The following SGCD variants were observed in gnomAD, a reference collection of about 807,000 sequenced individuals.
SGCD encodes delta-sarcoglycan.
A neutral mutation model predicts 36.6 loss-of-function variants in SGCD; 18 were observed. That is an observed-to-expected ratio of 0.49 (90% CI 0.34 to 0.73). SGCD has a LOEUF of 0.73. Ranked by LOEUF, SGCD falls within the 30% of genes least tolerant of loss-of-function variation. SGCD has a pLI of 0.01. For missense variants in SGCD, 387 were observed against 346.7 expected (o/e 1.12, Z -0.92); for synonymous variants, 133 against 130.6 (o/e 1.02, Z -0.12).
chr5:156,331,795 A>ACCCT (rs1450728590), intron 2 of SGCD, among the ~76,000 whole-genome samples: 1 of 152,102 alleles, frequency 6.6e-6, no homozygotes, highest in Non-Finnish European at 1.5e-5. Context: ...TCTTGTACTA[A>ACCCT]CCCTCATTGG....
the SGCD span, among the ~76,000 whole-genome samples, chr5:155,744,775 C>T: frequency 8.6e-5 from 13 of 151,992 alleles, no homozygotes; most frequent in African/African-American, 2.7e-4. Flanking sequence ...AAAGTTTGTT[C>T]GATGTTTAAT....
chr5:156,488,102 T>G (rs944110282), intron 3 of SGCD, among the ~76,000 whole-genome samples: 2 of 74,530 alleles, frequency 2.7e-5, no homozygotes, highest in Middle Eastern at 5.3e-3. Context: ...AGACAGGTTT[T>G]TTTTTTTTTT....
chr5:155,996,906 T>TAGAC lies in SGCD; in HGVS notation c.-281-120961_-281-120958dup, dbSNP rs1355255873. 6.0e-3 allele frequency among the ~76,000 whole-genome samples: 854 copies of TAGAC among 141,992 alleles called. 10 individuals carry two copies. Among genetic ancestry groups the TAGAC allele is most frequent in the African/African-American group, 0.018 (725 of 39,532 alleles). 93.2% of individuals were successfully genotyped at this position (141,992 alleles called of 152,430 possible). A position where few individuals can be genotyped will look rare whatever the true frequency, so the allele number is the denominator to read the frequency against. On this transcript the variant is annotated intron_variant, in intron 1 of 9. Coordinates refer to the SGCD transcript ENST00000517913. ...ATAGATAGATAGATAGATAGATAGA[T>TAGAC]AGACAGACAGACAGGCAGGCAGACA...
chr5:156,038,087 G>A (rs537526677), intron 1 of SGCD, among the ~76,000 whole-genome samples: 1 of 152,216 alleles, frequency 6.6e-6, no homozygotes, highest in African/African-American at 2.4e-5. Flanking sequence ...AGTGAAGATG[G>A]GGATAGAGAC....
chr5:155,907,423 GA>G (rs1756542209), intron 1 of SGCD, among the ~76,000 whole-genome samples: 2 of 152,112 alleles, frequency 1.3e-5, no homozygotes. Flanking sequence ...AGCTGCCATA[GA>G]TGGTGACTTC....
chr5:156,442,066 G>T (rs763515860), intron 3 of SGCD, among the ~76,000 whole-genome samples: 6 of 152,184 alleles, frequency 3.9e-5, no homozygotes, highest in Non-Finnish European at 7.3e-5. Flanking sequence ...TACTTGCTTA[G>T]ATGGCAGTAA....
chr5:155,836,359 A>C, the SGCD span, among the ~76,000 whole-genome samples: 2 of 152,118 alleles, frequency 1.3e-5, no homozygotes, highest in Non-Finnish European at 2.9e-5. Flanking sequence ...ATCGAAGAGC[A>C]TTTCAGATAT....
intron 3 of SGCD, among the ~76,000 whole-genome samples, chr5:156,172,539 A>G (rs1486228103): frequency 1.3e-5 from 2 of 152,184 alleles, no homozygotes; most frequent in East Asian, 3.9e-4. Flanking sequence ...GACTTCTTTC[A>G]GCTCTGAATT....
intron 3 of SGCD, among the ~76,000 whole-genome samples, chr5:156,290,955 A>G (rs1766742578): frequency 6.6e-6 from 1 of 152,124 alleles, no homozygotes; most frequent in Non-Finnish European, 1.5e-5. Flanking sequence ...GTCATCCCTC[A>G]GTATCAATAA....
chr5:156,549,596 A>G (rs1345604616), intron 4 of SGCD, among the ~76,000 whole-genome samples: 2 of 152,222 alleles, frequency 1.3e-5, no homozygotes, highest in African/African-American at 4.8e-5. Context: ...AGTCTAATGC[A>G]TTTCACTACC....
At chr5:156,480,762 A>G (rs947195741) in intron 3 of SGCD, among the ~76,000 whole-genome samples, 3 of 152,198 alleles carry the variant, frequency 2.0e-5, no homozygotes, top group African/African-American at 2.4e-5. Flanking sequence ...CTGAAAATCA[A>G]TTGTTCTTTT....
chr5:156,516,639 A>G (rs985342839), intron 4 of SGCD, among the ~76,000 whole-genome samples: 8 of 152,126 alleles, frequency 5.3e-5, no homozygotes, highest in African/African-American at 1.7e-4. Flanking sequence ...CTTTCTAGCA[A>G]GGACATAGAA....
chr5:156,644,691 G>A (rs183629572), intron 6 of SGCD, among the ~76,000 whole-genome samples: 1 of 152,118 alleles, frequency 6.6e-6, no homozygotes, highest in Admixed American at 6.6e-5. Flanking sequence ...TTTAGATTTG[G>A]GGTTAACAGT....
chr5:156,515,194 G>T (rs1375426935), intron 4 of SGCD, among the ~76,000 whole-genome samples: 1 of 150,962 alleles, frequency 6.6e-6, no homozygotes, highest in Non-Finnish European at 1.5e-5. Context: ...ATTTTTGCTG[G>T]GTCTAGCATT....
At chr5:156,078,528 T>A (rs1432593836) in intron 1 of SGCD, among the ~76,000 whole-genome samples, 19 of 142,842 alleles carry the variant, frequency 1.3e-4, no homozygotes, top group African/African-American at 3.9e-4. Flanking sequence ...AAAATATATA[T>A]ATATATATAT....
At chr5:156,719,401 T>C (rs563222964) in intron 7 of SGCD, among the ~76,000 whole-genome samples, 15 of 151,072 alleles carry the variant, frequency 9.9e-5, no homozygotes, top group Non-Finnish European at 1.8e-4. Context: ...GATGTATATA[T>C]ACACACACAC....
chr5:156,751,387 C>T lies in SGCD; in HGVS notation c.576-6194C>T, dbSNP rs184750993. ...CTTTGAAAACAATATAGAAGAGCTT[C>T]ATGACCTCAGTGTAGGGAAGGATTG... On this transcript the variant is annotated intron_variant, in intron 7 of 8. Coordinates refer to ENST00000337851, the MANE Select transcript of SGCD (RefSeq NM_000337.6). Among the ~76,000 whole-genome samples the T allele has an allele frequency of 2.7e-3, 415 of 152,294 alleles. 1 individual carries two copies. Among genetic ancestry groups the T allele is most frequent in the Middle Eastern group, 0.01 (3 of 294 alleles).
chr5:156,387,803 C>T (rs915676747), intron 3 of SGCD, among the ~76,000 whole-genome samples: 3 of 152,112 alleles, frequency 2.0e-5, no homozygotes, highest in Admixed American at 2.0e-4. Flanking sequence ...TGAGTATTGC[C>T]TTTGACACAA....
chr5:156,018,034 C>T (rs1447292353), intron 1 of SGCD, among the ~76,000 whole-genome samples: 1 of 151,970 alleles, frequency 6.6e-6, no homozygotes, highest in African/African-American at 2.4e-5. Context: ...GTGGTGAGCA[C>T]CTGTGGTTCT....
Sources: gnomAD v4.1 joint callset for allele counts (sites outside exome capture counted in the v4.1 genomes callset) on GRCh38, gnomAD v4.1.1 for gene constraint, MANE v1.5 for transcripts, NCBI Gene and HGNC (gene_info 2026-07-23, HGNC 2026-07-21) for gene names.